Variants in VPS54 observed in about 807,000 individuals in gnomAD.
VPS54 encodes VPS54 subunit of GARP complex, also known as vacuolar protein sorting-associated protein 54.
In VPS54, 45 loss-of-function variants were observed where a neutral mutation model predicts 121.5. The ratio of observed to expected loss-of-function variants is 0.37; its 90% CI spans 0.29 to 0.47. The LOEUF (loss-of-function observed/expected upper bound fraction) is 0.47. Ranked by LOEUF, VPS54 falls within the 20% of genes least tolerant of loss-of-function variation. VPS54 has a pLI of 0.99. For missense variants in VPS54, 1,090 were observed against 1,131.4 expected, an observed-to-expected ratio of 0.96 and a Z score of 0.52; for synonymous variants, 371 against 385.8, an observed-to-expected ratio of 0.96 and a Z score of 0.45.
chr2:63,966,598 T>A (rs1004373494), intron 5 of VPS54, among the ~76,000 whole-genome samples: 1 of 152,196 alleles, frequency 6.6e-6, no homozygotes, highest in Admixed American at 6.5e-5. Context: ...TTCCCTAATC[T>A]ATCCCCTATA....
In VPS54 at chr2:63,988,479, C is replaced by A. The variant is rs377083971; in HGVS notation, c.-20-4460G>T. On this transcript the variant is annotated intron_variant, in intron 1 of 22. Transcript: ENST00000272322. ...AAGTCAGGGACCCCGAACCGAGGGA[C>A]TGGCTGAAGCCATGGCAGAAGAACA... 5.3e-5 allele frequency among the ~76,000 whole-genome samples: 8 copies of A among 152,342 alleles called. No individual in the cohort carries two copies. The South Asian group carries it at 1.7e-3, about 32-fold the overall frequency.
rs753018476 is a variant in VPS54, at chr2:63,920,428, T to A, written c.2051+18A>T. 1 of 1,462,258 alleles carries A rather than the reference T, an allele frequency of 6.8e-7. No individual in the cohort carries two copies. Among genetic ancestry groups the A allele is most frequent in the African/African-American group, 1.5e-5 (1 of 68,238 alleles). The allele number at this position is 1,462,258 out of a possible 1,614,324, so 90.6% of individuals were successfully genotyped here. A position where few individuals can be genotyped will look rare whatever the true frequency, so the allele number is the denominator to read the frequency against. Reference sequence around the variant, plus strand: ...AAAATGAAAAAATCAAACAACAGAATGGACATGGTGATGATACCTGAGCTT... The same window carrying A: ...AAAATGAAAAAATCAAACAACAGAAAGGACATGGTGATGATACCTGAGCTT... On this transcript the variant is annotated intron_variant, in intron 14 of 22. Transcript: ENST00000272322.
intron 12 of VPS54, 61 bp downstream of exon 12, chr2:63,933,612 C>A: frequency 7.0e-7 from 1 of 1,432,006 alleles, no homozygotes; most frequent in Non-Finnish European, 9.6e-7. Context: ...ATCAATCTTA[C>A]TGAATCCATT....
chr2:63,944,294 T>C (rs1444945187), intron 10 of VPS54, among the ~76,000 whole-genome samples: 2 of 152,124 alleles, frequency 1.3e-5, no homozygotes, highest in Non-Finnish European at 2.9e-5. Context: ...TTACAAAAAC[T>C]GGAAGGAGTA....
At chr2:63,962,512 T>C (rs1016767640) in intron 6 of VPS54, 69 bp from the exon 7 acceptor site, 4 of 1,474,898 alleles carry the variant, frequency 2.7e-6, no homozygotes, top group Non-Finnish European at 1.8e-6. Context: ...AAATACTTTA[T>C]GACAATGATA....
chr2:63,938,059 G>GGTGTGTGTGGTGTGTGT (rs1553475196), intron 11 of VPS54, among the ~76,000 whole-genome samples: 2 of 140,476 alleles, frequency 1.4e-5, no homozygotes, highest in South Asian at 2.3e-4. Context: ...TGGTGTGTGT[G>GGTGTGTGTGGTGTGTGT]GTGTGTGTGT....
At chr2:64,012,650 G>T (rs1201642912) in intron 1 of VPS54, among the ~76,000 whole-genome samples, 1 of 148,326 alleles carries the variant, frequency 6.7e-6, no homozygotes, top group African/African-American at 2.5e-5. Context: ...TTTTCTATTA[G>T]TTATTCCCCA....
intron 7 of VPS54, among the ~76,000 whole-genome samples, chr2:63,957,525 A>AT (rs993654056): frequency 6.6e-6 from 1 of 152,062 alleles, no homozygotes; most frequent in Admixed American, 6.5e-5. Flanking sequence ...ATCATTCAAA[A>AT]TTTTTTAAAT....
Position 63,912,433 on chromosome 2 carries a change from G to A in VPS54, c.2545-8C>T, listed in dbSNP as rs1378291893. The A allele has an allele frequency of 1.9e-6, 3 of 1,612,080 alleles. No homozygotes were observed. The highest frequency in any genetic ancestry group is 1.7e-6 in the Non-Finnish European group (2 of 1,178,946). ...TATGTGATCATGGTAGTCCTGCAAT[G>A]AGAAATGATAATTGTATTTTTAAGT... On this transcript the variant is annotated splice_region_variant and splice_polypyrimidine_tract_variant and intron_variant, in intron 19 of 22. Coordinates refer to ENST00000272322, the MANE Select transcript of VPS54 (RefSeq NM_016516.3).
chr2:63,901,380 A>T (rs13405024), intron 20 of VPS54, among the ~76,000 whole-genome samples: 220 of 152,288 alleles, frequency 1.4e-3, no homozygotes, highest in African/African-American at 4.8e-3. Context: ...AATAAGTAAA[A>T]TTTTAACAAA....
chr2:63,897,537 T>C lies in VPS54; in HGVS notation c.2787A>G (p.Leu929=). ...CATCATTTATCACATTTAAGTGAGA[T>C]AACTGCTTTTTCAAGTGGAGTTTAT... The part of the protein sequence containing the change: ...ASYKLHLKKQ[L]SHLNVINDGG... The change falls in exon 22 of 23, where the codon TTA becomes TTG. Residue 929 remains leucine, a synonymous_variant. Coordinates refer to ENST00000272322, the MANE Select transcript of VPS54 (RefSeq NM_016516.3). 1.2e-6 allele frequency: 2 copies of C among 1,600,888 alleles called. No individual in the cohort carries two copies. Among genetic ancestry groups the C allele is most frequent in the Middle Eastern group, 1.7e-4 (1 of 6,016 alleles).
Position 63,964,544 on chromosome 2 carries a change from G to A in VPS54, c.624+1291C>T, listed in dbSNP as rs1226583714. On this transcript the variant is annotated intron_variant, in intron 6 of 22. Coordinates refer to ENST00000272322, the MANE Select transcript of VPS54 (RefSeq NM_016516.3). ...TAGAATATGAAAGCCTGTGTCATGA[G>A]CAAGCCTGTGTCTCTAAACCCATGG... 2.6e-5 allele frequency among the ~76,000 whole-genome samples: 4 copies of A among 152,246 alleles called. No individual in the cohort carries two copies. The East Asian group carries it at 7.7e-4, about 29-fold the overall frequency.
rs764921664 is a variant in VPS54, at chr2:63,972,235, T to A, written c.388A>T (p.Ile130Phe). 1 of 1,589,014 alleles carries A rather than the reference T, an allele frequency of 6.3e-7. No homozygotes were observed. Among genetic ancestry groups the A allele is most frequent in the Non-Finnish European group, 8.6e-7 (1 of 1,162,964 alleles). ...CAAATATTCTTGCATCTCTCATGAA[T>A]CTTCTCTCTCTAATAAAAAGACAAA... ...YQQEISQREK[I>F]HERCKNICPP... is the part of the protein sequence containing the mutation. The change falls in exon 4 of 23, where the codon ATT becomes TTT. Residue 130 changes from isoleucine (I) to phenylalanine (F), a missense_variant. Around this residue, in one of 2 missense-constraint regions of VPS54, gnomAD observed 801 missense variants for 757.0 expected, o/e 1.06. Transcript: ENST00000272322.
At chr2:63,944,763 C>A in intron 9 of VPS54, 108 bp from the exon 10 acceptor site, 2 of 866,554 alleles carry the variant, frequency 2.3e-6, no homozygotes, top group Admixed American at 6.0e-5. Flanking sequence ...TATGAACAGA[C>A]ACTTTTCAAA....
At chr2:63,954,201 T>C (rs1414742836) in intron 7 of VPS54, among the ~76,000 whole-genome samples, 1 of 152,080 alleles carries the variant, frequency 6.6e-6, no homozygotes, top group East Asian at 1.9e-4. Context: ...AAACATCCTG[T>C]CATAACACAA....
intron 18 of VPS54, among the ~76,000 whole-genome samples, chr2:63,912,950 C>T (rs1021734075): frequency 1.3e-5 from 2 of 152,066 alleles, no homozygotes; most frequent in African/African-American, 4.8e-5. Context: ...TAGCTTTCAC[C>T]CCCAAATACT....
At chr2:63,939,253 T>G (rs1190268249) in intron 11 of VPS54, among the ~76,000 whole-genome samples, 2 of 152,030 alleles carry the variant, frequency 1.3e-5, no homozygotes, top group African/African-American at 4.8e-5. Flanking sequence ...GCGCCTATAA[T>G]CCCAGCTACT....
intron 1 of VPS54, among the ~76,000 whole-genome samples, chr2:63,998,724 TTTG>T (rs920041316): frequency 2.6e-5 from 4 of 152,214 alleles, no homozygotes; most frequent in South Asian, 4.1e-4. Flanking sequence ...TTTATAGCTT[TTTG>T]TTGTTTCTAT....
At chr2:63,942,876 C>A (rs1674804370) in intron 10 of VPS54, among the ~76,000 whole-genome samples, 2 of 152,112 alleles carry the variant, frequency 1.3e-5, no homozygotes, top group African/African-American at 2.4e-5. Flanking sequence ...CATCTCTCCC[C>A]AAAATTTAAT....
Sources: allele counts gnomAD v4.1 joint callset (sites outside exome capture counted in the v4.1 genomes callset), GRCh38; gene constraint gnomAD v4.1.1; regional missense constraint gnomAD v4.1.1; transcripts MANE v1.5; gene names NCBI Gene and HGNC (gene_info 2026-07-23, HGNC 2026-07-21).